SLC24A1: variants seen among roughly 807,000 people sequenced by gnomAD.
SLC24A1 encodes sodium/potassium/calcium exchanger 1.
A neutral mutation model predicts 88.1 loss-of-function variants in SLC24A1; 52 were observed. The ratio of observed to expected loss-of-function variants is 0.59; its 90% confidence interval spans 0.47 to 0.74. SLC24A1 has a LOEUF of 0.74. Ranked by LOEUF, SLC24A1 falls within the 30% of genes least tolerant of loss-of-function variation. The pLI is 0.00. For missense variants in SLC24A1, 1,173 were observed against 1,363.3 expected (o/e 0.86, Z 2.20); for synonymous variants, 455 against 498.0 (o/e 0.91, Z 1.15).
Position 65,654,311 on chromosome 15 carries a change from T to C in SLC24A1, c.*232T>C. 7.5e-7 allele frequency: 1 copy of C among 1,337,450 alleles called. No individual in the cohort carries two copies. The highest frequency in any genetic ancestry group is 9.6e-7 in the Non-Finnish European group (1 of 1,046,396). The allele number at this position is 1,337,450 out of a possible 1,614,324, so 82.8% of individuals were successfully genotyped here. ...GGGTGGAGTTTCTACCCCTGACTCATGCAGACATCTATTACATGGAGGCAG... is the reference window on the plus strand; with the variant it reads ...GGGTGGAGTTTCTACCCCTGACTCACGCAGACATCTATTACATGGAGGCAG... On this transcript the variant is annotated 3_prime_UTR_variant, in exon 10 of 10. Coordinates refer to ENST00000261892, the MANE Select transcript of SLC24A1 (RefSeq NM_004727.3).
At chr15:65,651,259 AT>A (rs1177442856) in intron 7 of SLC24A1, among the ~76,000 whole-genome samples, 2 of 152,220 alleles carry the variant, frequency 1.3e-5, no homozygotes, top group Non-Finnish European at 2.9e-5. Flanking sequence ...AACCTCCTGC[AT>A]ATTTCACAGG....
chr15:65,654,926 G>A lies in SLC24A1; in HGVS notation c.*847G>A, dbSNP rs2141747113. The A allele has an allele frequency of 4.6e-6, 5 of 1,098,074 alleles. No individual in the cohort carries two copies. In the South Asian group the frequency reaches 8.6e-5, roughly 19 times the overall value. 68.0% of individuals were successfully genotyped at this position (1,098,074 alleles called of 1,614,324 possible). ...ACCAGTATTTTCTAGTTTAAAGGAG[G>A]ACTACATTAACTCTTATTGTTGTGT... On this transcript the variant is annotated 3_prime_UTR_variant, in exon 10 of 10. Coordinates refer to ENST00000261892, the MANE Select transcript of SLC24A1 (RefSeq NM_004727.3).
downstream of SLC24A1, chr15:65,658,395 C>G (rs2075749792): frequency 6.6e-6 from 1 of 152,194 alleles, no homozygotes; most frequent in Non-Finnish European, 1.5e-5. Flanking sequence ...TGCTCTTTCT[C>G]TTCTTGCTCT....
At chr15:65,627,304 C>G (rs753605827) in intron 2 of SLC24A1, among the ~76,000 whole-genome samples, 2 of 152,186 alleles carry the variant, frequency 1.3e-5, no homozygotes, top group Non-Finnish European at 2.9e-5. Flanking sequence ...CTGTCTAACT[C>G]TAACATTCTA....
At chr15:65,647,475 CAAAA>C (rs199501932) in intron 6 of SLC24A1, among the ~76,000 whole-genome samples, 147 of 81,180 alleles carry the variant, frequency 1.8e-3, no homozygotes, top group African/African-American at 5.1e-3. Context: ...GAGACTGTCT[CAAAA>C]AAAAAAAAAA....
intron 6 of SLC24A1, among the ~76,000 whole-genome samples, chr15:65,649,904 G>A (rs956706116): frequency 6.6e-6 from 1 of 152,192 alleles, no homozygotes; most frequent in African/African-American, 2.4e-5. Flanking sequence ...TCTGTATTCA[G>A]TTTTGGATGC....
rs372995067 is a variant in SLC24A1 at position 65,638,148 on chromosome 15, G to A, written c.1911G>A (p.Ala637=). 5.7e-5 allele frequency: 92 copies of A among 1,610,484 alleles called. No homozygotes were observed. Among genetic ancestry groups the A allele is most frequent in the African/African-American group, 8.0e-5 (6 of 74,944 alleles). The change falls in exon 3 of 10, where the codon GCG becomes GCA. Residue 637 remains alanine, a synonymous_variant. Transcript: ENST00000261892. Reference sequence around the variant, plus strand: ...TGCAGCCGGGCGATGGGGCCATTGCGGTGGATGAGCTACAGGATAACAAGA... The same window carrying A: ...TGCAGCCGGGCGATGGGGCCATTGCAGTGGATGAGCTACAGGATAACAAGA... ...DLSKPGDGAI[A]VDELQDNKKL...
rs970859641 is a variant in SLC24A1, at chr15:65,650,266, A to G, written c.2233-116A>G. On this transcript the variant is annotated intron_variant, in intron 6 of 9. Coordinates refer to ENST00000261892, the MANE Select transcript of SLC24A1 (RefSeq NM_004727.3). This position sits in a 1 kb window ranked among gnomAD's most constrained non-coding sequence, Gnocchi z 4.1. The stretch of plus-strand genomic sequence containing the variant: ...GAATTATCGCACTAGTTTTCTCCTC[A>G]TACTTAAGTTTTCAGATACCTTCTG... 1.9e-5 allele frequency: 15 copies of G among 781,172 alleles called. No homozygotes were observed. The African/African-American group carries it at 2.5e-4, about 13-fold the overall frequency. 48.4% of individuals were successfully genotyped at this position (781,172 alleles called of 1,614,324 possible). A position where few individuals can be genotyped will look rare whatever the true frequency, so the allele number is the denominator to read the frequency against.
intron 2 of SLC24A1, among the ~76,000 whole-genome samples, chr15:65,636,858 C>A (rs2074953430): frequency 8.5e-6 from 1 of 117,412 alleles, no homozygotes; most frequent in Non-Finnish European, 1.6e-5. Context: ...CGCTCTGTCT[C>A]AAAATAATAA....
Position 65,653,957 on chromosome 15 carries a change from G to C in SLC24A1, c.3178G>C (p.Ala1060Pro), listed in dbSNP as rs1426309006. 1.9e-6 allele frequency: 3 copies of C among 1,613,762 alleles called. No homozygotes were observed. The highest frequency in any genetic ancestry group is 2.5e-6 in the Non-Finnish European group (3 of 1,179,874). ...GCTTCTGTTTGTGATCTCTTCAATTGCGTCATGTAAATGGAGAATGAACAA... is the reference window on the plus strand; with the variant it reads ...GCTTCTGTTTGTGATCTCTTCAATTCCGTCATGTAAATGGAGAATGAACAA... The part of the protein sequence containing the change: ...LMLLFVISSI[A>P]SCKWRMNKIL... Residue 1060 changes from alanine to proline, a missense_variant, in exon 10 of 10, where the codon GCG becomes CCG. By Grantham distance (27) the Ala-to-Pro change is conservative. Coordinates refer to ENST00000261892, the MANE Select transcript of SLC24A1 (RefSeq NM_004727.3).
chr15:65,631,539 C>A (rs2074724965), intron 2 of SLC24A1, among the ~76,000 whole-genome samples: 1 of 151,984 alleles, frequency 6.6e-6, no homozygotes, highest in Non-Finnish European at 1.5e-5. Flanking sequence ...GGAAACCACC[C>A]CATAGCCAGT....
At chr15:65,623,927 AAAT>A in intron 1 of SLC24A1, 25 bp from the exon 2 acceptor site, 2 of 614,150 alleles carry the variant, frequency 3.3e-6, no homozygotes, top group East Asian at 2.8e-5. Flanking sequence ...TCTTAGTGGT[AAAT>A]AATCTCTTTT....
intron 2 of SLC24A1, among the ~76,000 whole-genome samples, chr15:65,634,740 C>CAAAAAAAAAAAAAAAAAAAAAAAA (rs5813364): frequency 9.9e-5 from 9 of 90,512 alleles, no homozygotes; most frequent in Non-Finnish European, 1.3e-4. Context: ...TCAAAAGCAC[C>CAAAAAAAAAAAAAAAAAAAAAAAA]AAAAAAAAAA....
chr15:65,624,605 GA>G lies in SLC24A1; in HGVS notation c.526del (p.Ser176AlafsTer7). ...CCCCAACACCCAGGGGAGAAATGAA[GA>G]GCTACAGCCCAACTCAAGTGAGGGA... is the stretch of plus-strand genomic sequence containing the variant. Reference protein sequence around the residue: ...YTPTPRGEMKSYSPTQVREKV... With the variant: ...YTPTPRGEMKXYSPTQVREKV... On this transcript the variant is annotated frameshift_variant, in exon 2 of 10. Transcript: ENST00000261892. LOFTEE classifies it high-confidence loss of function. 1 of 1,594,220 alleles carries G rather than the reference GA, an allele frequency of 6.3e-7. No homozygotes were observed. Among genetic ancestry groups the G allele is most frequent in the South Asian group, 1.1e-5 (1 of 88,422 alleles).
At chr15:65,651,952 A>G in intron 8 of SLC24A1, 193 bp downstream of exon 8, 1 of 610,486 alleles carries the variant, frequency 1.6e-6, no homozygotes, top group Admixed American at 2.1e-5. Flanking sequence ...CTTTTCTGTC[A>G]TATCCTGTAG....
intron 2 of SLC24A1, among the ~76,000 whole-genome samples, chr15:65,635,076 A>C (rs921574261): frequency 6.6e-6 from 1 of 152,212 alleles, no homozygotes; most frequent in Non-Finnish European, 1.5e-5. Flanking sequence ...TCTGAATGGC[A>C]GAGAAACCAT....
chr15:65,656,748 G>C (rs2075696440), downstream of SLC24A1, among the ~76,000 whole-genome samples: 1 of 152,222 alleles, frequency 6.6e-6, no homozygotes, highest in Non-Finnish European at 1.5e-5. Context: ...TGAAGGCCCT[G>C]ATAATAGGTT....
chr15:65,640,459 C>T (rs1463145817), intron 4 of SLC24A1, among the ~76,000 whole-genome samples: 1 of 152,178 alleles, frequency 6.6e-6, no homozygotes, highest in Non-Finnish European at 1.5e-5. Flanking sequence ...CCCTAAAGGG[C>T]ACTTCTCAGC....
chr15:65,625,951 C>T lies in SLC24A1; in HGVS notation c.1871C>T (p.Ala624Val), dbSNP rs1396336618. The T allele has an allele frequency of 1.2e-6, 2 of 1,613,084 alleles. No homozygotes were observed. Among genetic ancestry groups the T allele is most frequent in the East Asian group, 2.2e-5 (1 of 44,904 alleles). Residue 624 changes from alanine to valine, a missense_variant, in exon 2 of 10, where the codon GCC becomes GTC. By Grantham distance (64) the Ala-to-Val change is moderately conservative. Coordinates refer to ENST00000261892, the MANE Select transcript of SLC24A1 (RefSeq NM_004727.3). ...AGGAGGCCAGTGGCCAAGGTCATGG[C>T]CTTAGAAGACCTCAGCAAGGTAAGG... Reference protein sequence around the residue: ...LSRRPVAKVMALEDLSKPGDG... With the variant: ...LSRRPVAKVMVLEDLSKPGDG...
Sources: allele counts gnomAD v4.1 joint callset (sites outside exome capture counted in the v4.1 genomes callset), GRCh38; gene constraint gnomAD v4.1.1; non-coding constraint Gnocchi (gnomAD v3.1); transcripts MANE v1.5; gene names NCBI Gene and HGNC (gene_info 2026-07-23, HGNC 2026-07-21).